MAF: variants seen among roughly 807,000 people sequenced by gnomAD.
MAF encodes the protein transcription factor Maf.
A neutral mutation model predicts 22.0 loss-of-function variants in MAF; 10 were observed. That is an observed-to-expected ratio of 0.45 (90% CI 0.28 to 0.77). MAF has a LOEUF of 0.77. MAF is among the 30% of genes least tolerant of loss of function. The pLI, the probability that MAF is intolerant of heterozygous loss-of-function variation, is 0.12. For synonymous variants in MAF, 337 were observed against 255.8 expected, an observed-to-expected ratio of 1.32 and a Z score of -3.03; for missense variants, 544 against 548.4, an observed-to-expected ratio of 0.99 and a Z score of 0.08.
At chr16:79,207,245 C>G in the MAF span, among the ~76,000 whole-genome samples, 2 of 152,208 alleles carry the variant, frequency 1.3e-5, no homozygotes, top group African/African-American at 4.8e-5. Context: ...GATAAGGTGG[C>G]TGGCTTTGCA....
At chr16:79,566,621 G>C in the MAF span, among the ~76,000 whole-genome samples, 1 of 143,636 alleles carries the variant, frequency 7.0e-6, no homozygotes, top group Non-Finnish European at 1.6e-5. Flanking sequence ...TGGATCTTGG[G>C]GGAAGAAGCC....
the MAF span, among the ~76,000 whole-genome samples, chr16:79,480,927 T>C: frequency 2.6e-5 from 4 of 152,208 alleles, no homozygotes; most frequent in South Asian, 2.1e-4. Context: ...GGGTGGGCAG[T>C]TGTGCTTGGT....
chr16:79,206,363 C>G, the MAF span: 2 of 152,210 alleles, frequency 1.3e-5, no homozygotes, highest in Non-Finnish European at 2.9e-5. Flanking sequence ...TACCAACGGA[C>G]ACGGAGTCTG....
At chr16:79,561,314 T>C in the MAF span, among the ~76,000 whole-genome samples, 1 of 146,624 alleles carries the variant, frequency 6.8e-6, no homozygotes, top group Admixed American at 6.7e-5. Context: ...AAGTTTTCTT[T>C]CTTTTTTTTT....
the MAF span, among the ~76,000 whole-genome samples, chr16:79,410,588 G>C: frequency 3.3e-5 from 5 of 152,204 alleles, no homozygotes; most frequent in South Asian, 8.3e-4. Context: ...ATCTCAAGGA[G>C]CTGCTCACAT....
chr16:79,305,585 G>A, the MAF span, among the ~76,000 whole-genome samples: 1 of 152,188 alleles, frequency 6.6e-6, no homozygotes, highest in African/African-American at 2.4e-5. Context: ...GCTGCACTAG[G>A]ATTGGGGAGT....
At chr16:79,585,672 T>C (rs30402), downstream of MAF, among the ~76,000 whole-genome samples, 143,029 of 152,236 alleles carry the variant, frequency 0.94, 67,408 homozygotes, top group Admixed American at 0.98. Context: ...ATATATCGCA[T>C]GTATCCCTCC....
the MAF span, among the ~76,000 whole-genome samples, chr16:79,301,385 G>A: frequency 3.3e-5 from 5 of 152,170 alleles, no homozygotes. Context: ...AGCTCAATTA[G>A]TAGCTGCTCT....
the MAF span, among the ~76,000 whole-genome samples, chr16:79,394,574 G>A: frequency 9.9e-5 from 15 of 152,282 alleles, no homozygotes; most frequent in African/African-American, 3.4e-4. Flanking sequence ...ACCTCTCTGA[G>A]GTTCAGTCCC....
At chr16:79,486,823 C>G in the MAF span, among the ~76,000 whole-genome samples, 1 of 152,192 alleles carries the variant, frequency 6.6e-6, no homozygotes, top group Non-Finnish European at 1.5e-5. Flanking sequence ...TGGGATAGAG[C>G]TACGTGTTTG....
chr16:79,308,163 A>G, the MAF span, among the ~76,000 whole-genome samples: 2 of 152,340 alleles, frequency 1.3e-5, no homozygotes, highest in Middle Eastern at 3.4e-3. Context: ...AGCTGTCTAG[A>G]CAATCAATAC....
chr16:79,207,487 C>G, the MAF span, among the ~76,000 whole-genome samples: 4 of 152,224 alleles, frequency 2.6e-5, no homozygotes, highest in Non-Finnish European at 1.5e-5. Context: ...CCTTTCATAA[C>G]TCTACTTTTT....
At chr16:79,570,012 T>C in the MAF span, among the ~76,000 whole-genome samples, 1 of 27,978 alleles carries the variant, frequency 3.6e-5, no homozygotes, top group African/African-American at 1.3e-4. Flanking sequence ...GTCTTTGTTC[T>C]TTTTTTTTTT....
At chr16:79,462,022 G>C in the MAF span, among the ~76,000 whole-genome samples, 6 of 152,290 alleles carry the variant, frequency 3.9e-5, no homozygotes, top group African/African-American at 1.4e-4. Context: ...TGCAAATGGA[G>C]TCTCTACTTT....
chr16:79,303,711 TAAGA>T, the MAF span, among the ~76,000 whole-genome samples: 9 of 152,162 alleles, frequency 5.9e-5, no homozygotes, highest in Admixed American at 2.6e-4. Flanking sequence ...GGCACACCCG[TAAGA>T]AAGAGTGCTA....
chr16:79,211,903 G>A, the MAF span: 128 of 1,556,484 alleles, frequency 8.2e-5, 2 homozygotes, highest in South Asian at 5.0e-4. Flanking sequence ...AGATCCGCAA[G>A]AGTAAAGGAA....
chr16:79,429,445 A>T, the MAF span, among the ~76,000 whole-genome samples: 1 of 152,208 alleles, frequency 6.6e-6, no homozygotes, highest in Non-Finnish European at 1.5e-5. Context: ...CTCCCCTCTG[A>T]GGAGCGCCGT....
chr16:79,512,076 G>T, the MAF span, among the ~76,000 whole-genome samples: 2 of 152,132 alleles, frequency 1.3e-5, no homozygotes, highest in Non-Finnish European at 2.9e-5. Flanking sequence ...ATTATTCCCT[G>T]TGATGGCGAA....
At chr16:79,282,427 AGGG>A in the MAF span, among the ~76,000 whole-genome samples, 1 of 152,162 alleles carries the variant, frequency 6.6e-6, no homozygotes, top group Non-Finnish European at 1.5e-5. Flanking sequence ...TGTGGGCACT[AGGG>A]TATCCCTCCT....
Sources: allele counts gnomAD v4.1 joint callset (sites outside exome capture counted in the v4.1 genomes callset), GRCh38; gene constraint gnomAD v4.1.1; transcripts MANE v1.5; gene names NCBI Gene and HGNC (gene_info 2026-07-23, HGNC 2026-07-21).